The following XAF1 variants were observed in gnomAD, a reference collection of about 807,000 sequenced individuals.
The protein encoded by XAF1 is XIAP-associated factor 1.
A neutral mutation model predicts 32.3 loss-of-function variants in XAF1; 32 were observed. That is an observed-to-expected ratio of 0.99 (90% CI 0.75 to 1.33). The LOEUF is 1.33. XAF1 is among the 40% of genes most tolerant of loss of function. XAF1 has a pLI of 0.00. For missense variants in XAF1, 379 were observed against 366.0 expected, an observed-to-expected ratio of 1.04 and a Z score of -0.29; for synonymous variants, 120 against 125.9, an observed-to-expected ratio of 0.95 and a Z score of 0.31.
At chr17:6,763,430 C>T (rs1255905635) in intron 5 of XAF1, among the ~76,000 whole-genome samples, 10 of 152,036 alleles carry the variant, frequency 6.6e-5, no homozygotes, top group Non-Finnish European at 8.8e-5. Context: ...CGGGTTCAAG[C>T]GATTCTCCTG....
intron 1 of XAF1, 82 bp downstream of exon 1, chr17:6,756,192 C>T: frequency 6.3e-7 from 1 of 1,599,548 alleles, no homozygotes; most frequent in East Asian, 2.3e-5. Flanking sequence ...CTGAAGGGAG[C>T]AGAAAGTGGT....
At chr17:6,759,073 T>G in intron 2 of XAF1, 1 of 909,478 alleles carries the variant, frequency 1.1e-6, no homozygotes, top group South Asian at 3.4e-5. Flanking sequence ...GTCCGGGAGT[T>G]GGGGTGAGGG....
chr17:6,774,845 A>G lies in XAF1; in HGVS notation c.*1676A>G, dbSNP rs1490865730. On this transcript the variant is annotated 3_prime_UTR_variant, in exon 7 of 7. Coordinates refer to ENST00000361842, the MANE Select transcript of XAF1 (RefSeq NM_017523.5). ...CACCTGAGGTCAGGAGTTTGAGACC[A>G]GCCTGGCCAACATGGAGAAACTCCG... 1 of 152,212 alleles carries G rather than the reference A, an allele frequency of 6.6e-6. No homozygotes were observed. Among genetic ancestry groups the G allele is most frequent in the Non-Finnish European group, 1.5e-5 (1 of 68,058 alleles). 9.4% of individuals were successfully genotyped at this position (152,212 alleles called of 1,614,324 possible).
At chr17:6,767,736 A>ACTGCTACTGCTGCTGCTG (rs71383424) in intron 5 of XAF1, among the ~76,000 whole-genome samples, 90 of 151,468 alleles carry the variant, frequency 5.9e-4, no homozygotes, top group African/African-American at 2.1e-3. Context: ...GTTCATTACT[A>ACTGCTACTGCTGCTGCTG]CTGCTGCTGC....
At chr17:6,759,484 C>A in intron 2 of XAF1, 178 bp from the exon 3 acceptor site, 3 of 1,445,368 alleles carry the variant, frequency 2.1e-6, no homozygotes, top group Non-Finnish European at 2.7e-6. Flanking sequence ...ACAAACACTT[C>A]TTGAACACTG....
At chr17:6,772,058 T>C (rs1976072624) in intron 6 of XAF1, 1 of 152,238 alleles carries the variant, frequency 6.6e-6, no homozygotes. Context: ...AAAACCTTTT[T>C]TTCTAACTTC....
chr17:6,773,326 T>A lies in XAF1; in HGVS notation c.*157T>A, dbSNP rs1396654550. ...CAGAACTAAAAACAAAACTCACGTATCATCTCAATAGATACAGAAAAGGCT... is the reference window on the plus strand; with the variant it reads ...CAGAACTAAAAACAAAACTCACGTAACATCTCAATAGATACAGAAAAGGCT... On this transcript the variant is annotated 3_prime_UTR_variant, in exon 7 of 7. Coordinates refer to ENST00000361842, the MANE Select transcript of XAF1 (RefSeq NM_017523.5). 1.0e-5 allele frequency: 6 copies of A among 599,024 alleles called. No homozygotes were observed. The Admixed American group carries it at 1.1e-4, about 11-fold the overall frequency. The allele number at this position is 599,024 out of a possible 1,614,324, so 37.1% of individuals were successfully genotyped here.
chr17:6,756,657 C>A (rs1045779583), intron 1 of XAF1, among the ~76,000 whole-genome samples: 3 of 152,166 alleles, frequency 2.0e-5, no homozygotes, highest in Non-Finnish European at 4.4e-5. Flanking sequence ...CCTGAGTGGA[C>A]CCTCCCCAGA....
rs765401286 is a variant in XAF1 at position 6,758,270 on chromosome 17, G to A, written c.168+46G>A. ...ATGGGGTCTGAGAGTCAAGGTGAGTGTTCAGTCCTCCCTGCAGGTGAGATG... is the reference window on the plus strand; with the variant it reads ...ATGGGGTCTGAGAGTCAAGGTGAGTATTCAGTCCTCCCTGCAGGTGAGATG... On this transcript the variant is annotated intron_variant, in intron 2 of 6. Transcript: ENST00000361842. 9 of 1,605,456 alleles carry A rather than the reference G, an allele frequency of 5.6e-6. No individual in the cohort carries two copies. The East Asian group carries it at 2.1e-4, about 37-fold the overall frequency.
At chr17:6,761,135 C>A (rs534625790) in intron 4 of XAF1, among the ~76,000 whole-genome samples, 1 of 150,730 alleles carries the variant, frequency 6.6e-6, no homozygotes, top group Non-Finnish European at 1.5e-5. Context: ...GCCTGGGCAA[C>A]AAGAGCAAAA....
chr17:6,761,532 T>C (rs1183968815), intron 4 of XAF1, among the ~76,000 whole-genome samples: 1 of 152,234 alleles, frequency 6.6e-6, no homozygotes, highest in Non-Finnish European at 1.5e-5. Flanking sequence ...GCTAGTTGTT[T>C]TGGTAACATG....
chr17:6,764,534 G>A (rs920463214), intron 5 of XAF1, among the ~76,000 whole-genome samples: 3 of 151,948 alleles, frequency 2.0e-5, no homozygotes, highest in African/African-American at 7.3e-5. Context: ...TACCACTATT[G>A]AATATTTATA....
rs780641676 is a variant in XAF1, at chr17:6,761,978, T to G, written c.422-177T>G. On this transcript the variant is annotated intron_variant, in intron 4 of 6. Transcript: ENST00000361842. ...GCCATAAAGGAAATGATGTGGGTGA[T>G]TCGGCCAAGAGTTGCCTGTGTGGTC... 2.6e-6 allele frequency: 4 copies of G among 1,531,880 alleles called. No homozygotes were observed. In the East Asian group the frequency reaches 9.9e-5, roughly 38 times the overall value. The allele number at this position is 1,531,880 out of a possible 1,614,324, so 94.9% of individuals were successfully genotyped here. A position where few individuals can be genotyped will look rare whatever the true frequency, so the allele number is the denominator to read the frequency against.
chr17:6,761,887 A>T (rs1157396745), intron 4 of XAF1: 23 of 1,462,558 alleles, frequency 1.6e-5, no homozygotes, highest in Non-Finnish European at 2.1e-5. Context: ...TCTCCTTAGA[A>T]ACCAGTCCTG....
At chr17:6,755,710 G>A (rs1442259660), upstream of XAF1, 4 of 1,074,872 alleles carry the variant, frequency 3.7e-6, no homozygotes, top group Admixed American at 4.3e-5. Flanking sequence ...GGGGGAGAAG[G>A]GTGGGAGGTG....
chr17:6,761,841 G>A (rs1353102420), intron 4 of XAF1: 1 of 1,383,188 alleles, frequency 7.2e-7, no homozygotes, highest in Non-Finnish European at 9.5e-7. Flanking sequence ...CAGTCAGAAT[G>A]GAGGGGGTTG....
At chr17:6,759,418 C>A in intron 2 of XAF1, 1 of 1,383,128 alleles carries the variant, frequency 7.2e-7, no homozygotes, top group Non-Finnish European at 9.3e-7. Flanking sequence ...GGCCCCTGAT[C>A]TGTCTCTCTG....
At chr17:6,756,850 G>A (rs929549901) in intron 1 of XAF1, among the ~76,000 whole-genome samples, 5 of 152,144 alleles carry the variant, frequency 3.3e-5, no homozygotes, top group African/African-American at 1.2e-4. Flanking sequence ...CTCGGAGCAC[G>A]TCCCCTGTGC....
intron 2 of XAF1, chr17:6,759,382 C>T (rs911884184): frequency 1.2e-5 from 17 of 1,363,128 alleles, no homozygotes; most frequent in East Asian, 1.1e-4. Flanking sequence ...CCCTGTTTCC[C>T]GCCTTTCCAT....
Sources: allele counts gnomAD v4.1 joint callset (sites outside exome capture counted in the v4.1 genomes callset), GRCh38; gene constraint gnomAD v4.1.1; transcripts MANE v1.5; gene names NCBI Gene and HGNC (gene_info 2026-07-23, HGNC 2026-07-21).